Variants in AKT3 observed in about 807,000 individuals in gnomAD.
The protein encoded by AKT3 is RAC-gamma serine/threonine-protein kinase.
In AKT3, 15 loss-of-function variants were observed where a neutral mutation model predicts 65.3. The ratio of observed to expected loss-of-function variants is 0.23; its 90% CI spans 0.15 to 0.35. The LOEUF is 0.35. Among genes scored for constraint, AKT3 ranks in the 10% least tolerant of loss-of-function variants. The pLI is 1.00. For synonymous variants in AKT3, 206 were observed against 183.8 expected, an observed-to-expected ratio of 1.12 and a Z score of -0.98; for missense variants, 243 against 576.5, an observed-to-expected ratio of 0.42 and a Z score of 5.92.
At chr1:243,641,366 T>C (rs1680386078) in intron 5 of AKT3, among the ~76,000 whole-genome samples, 1 of 151,172 alleles carries the variant, frequency 6.6e-6, no homozygotes, top group Non-Finnish European at 1.5e-5. Flanking sequence ...AGAACCCTAA[T>C]ACACATGGCA....
At chr1:243,494,562 TTGAC>T (rs1667335153) in intron 13 of AKT3, among the ~76,000 whole-genome samples, 2 of 152,222 alleles carry the variant, frequency 1.3e-5, no homozygotes, top group South Asian at 4.1e-4. Context: ...TTTTTGTTTT[TTGAC>T]TGAGCGCCCC....
At chr1:243,691,164 C>T (rs2148010199) in intron 3 of AKT3, among the ~76,000 whole-genome samples, 1 of 152,276 alleles carries the variant, frequency 6.6e-6, no homozygotes, top group African/African-American at 2.4e-5. Context: ...GACCAAAGGA[C>T]ATTCCAATCG....
At chr1:243,633,947 A>G (rs1056254443) in intron 6 of AKT3, among the ~76,000 whole-genome samples, 2 of 152,112 alleles carry the variant, frequency 1.3e-5, no homozygotes, top group African/African-American at 2.4e-5. Flanking sequence ...AAAATATAGC[A>G]GTTCCCCTTA....
At position 243,613,835 on chromosome 1, in the gene AKT3, G is replaced by A. The variant is rs1472791164; in HGVS notation, c.628-96C>T. The A allele has an allele frequency of 1.8e-5, 12 of 685,212 alleles. No individual in the cohort carries two copies. In the East Asian group the frequency reaches 2.9e-4, roughly 16 times the overall value. The allele number at this position is 685,212 out of a possible 1,614,324, so 42.4% of individuals were successfully genotyped here. A position where few individuals can be genotyped will look rare whatever the true frequency, so the allele number is the denominator to read the frequency against. Reference sequence around the variant, plus strand: ...TAGAACACATAGAAATAGTAAGCATGAAAGATGAAAAGAATTGTTATTGTT... The same window carrying A: ...TAGAACACATAGAAATAGTAAGCATAAAAGATGAAAAGAATTGTTATTGTT... On this transcript the variant is annotated intron_variant, in intron 7 of 13. Transcript: ENST00000673466.
At chr1:243,663,708 A>G (rs1269417819) in intron 4 of AKT3, among the ~76,000 whole-genome samples, 1 of 152,232 alleles carries the variant, frequency 6.6e-6, no homozygotes, top group African/African-American at 2.4e-5. Flanking sequence ...AATTTTAGAC[A>G]AGACTGTTAA....
At chr1:243,630,128 T>C (rs1271360974) in intron 6 of AKT3, among the ~76,000 whole-genome samples, 1 of 152,200 alleles carries the variant, frequency 6.6e-6, no homozygotes, top group South Asian at 2.1e-4. Flanking sequence ...TACCGTAAGA[T>C]GACTGGAACA....
chr1:243,790,381 T>G (rs1022453111), intron 2 of AKT3, among the ~76,000 whole-genome samples: 2 of 152,224 alleles, frequency 1.3e-5, no homozygotes, highest in Non-Finnish European at 2.9e-5. Context: ...CTTCTTTCCT[T>G]AAACCTCATG....
chr1:243,657,838 A>T (rs1286396084), intron 4 of AKT3, among the ~76,000 whole-genome samples: 1 of 152,146 alleles, frequency 6.6e-6, no homozygotes, highest in Non-Finnish European at 1.5e-5. Flanking sequence ...AAAACCATAT[A>T]TATATACAGT....
intron 9 of AKT3, among the ~76,000 whole-genome samples, chr1:243,567,663 C>T (rs914771892): frequency 2.0e-5 from 3 of 152,022 alleles, no homozygotes; most frequent in Non-Finnish European, 4.4e-5. Flanking sequence ...GTAGTGTCCA[C>T]ATTCTTCTAT....
chr1:243,698,338 T>TA (rs1200316368), intron 2 of AKT3, among the ~76,000 whole-genome samples: 4 of 151,948 alleles, frequency 2.6e-5, no homozygotes, highest in Non-Finnish European at 5.9e-5. Flanking sequence ...ATTTGAAAAA[T>TA]ACAAAAGAAA....
rs774907020 is a variant in AKT3, at chr1:243,843,215, T to A, written c.-45A>T. On this transcript the variant is annotated 5_prime_UTR_variant, in exon 2 of 14. Coordinates refer to ENST00000673466, the MANE Select transcript of AKT3 (RefSeq NM_005465.7). ...CCCAACTTGGAGAAATGGTACTTTG[T>A]GATATCAGCTTTAGGGTTTGGATTC... is the stretch of plus-strand genomic sequence containing the variant. The A allele has an allele frequency of 3.1e-6, 5 of 1,606,066 alleles. No homozygotes were observed. The highest frequency in any genetic ancestry group is 3.4e-6 in the Non-Finnish European group (4 of 1,175,496).
chr1:243,489,264 G>C, intron 13 of AKT3: 1 of 1,317,514 alleles, frequency 7.6e-7, no homozygotes, highest in African/African-American at 1.5e-5. Flanking sequence ...CTGGGAGGGA[G>C]GTCCCGAAGA....
chr1:243,638,950 G>T (rs917830425), intron 5 of AKT3, among the ~76,000 whole-genome samples: 4 of 151,964 alleles, frequency 2.6e-5, no homozygotes, highest in Non-Finnish European at 4.4e-5. Flanking sequence ...CCAAAAGCTA[G>T]TTCTAAAAGA....
At chr1:243,725,954 AG>A (rs1395474653) in intron 2 of AKT3, among the ~76,000 whole-genome samples, 2 of 152,232 alleles carry the variant, frequency 1.3e-5, no homozygotes, top group Non-Finnish European at 2.9e-5. Context: ...GGCACTTCGT[AG>A]AAGACTAGGA....
chr1:243,771,160 TTGAAACTACAACCTCTTCTC>T (rs1025052990), intron 2 of AKT3, among the ~76,000 whole-genome samples: 1 of 152,210 alleles, frequency 6.6e-6, no homozygotes, highest in Non-Finnish European at 1.5e-5. Context: ...TAAGCCTCAG[TTGAAACTACAACCTCTTCTC>T]TGAATCTTTC....
intron 4 of AKT3, among the ~76,000 whole-genome samples, chr1:243,658,263 A>G (rs1371474426): frequency 6.6e-6 from 1 of 152,222 alleles, no homozygotes; most frequent in Non-Finnish European, 1.5e-5. Flanking sequence ...CGAAAACAAA[A>G]AACAGAAACA....
At chr1:243,675,648 T>C (rs1272052515) in intron 3 of AKT3, among the ~76,000 whole-genome samples, 1 of 152,248 alleles carries the variant, frequency 6.6e-6, no homozygotes, top group Non-Finnish European at 1.5e-5. Flanking sequence ...ATTAGCTAAA[T>C]TCTGGTTTCC....
intron 13 of AKT3, among the ~76,000 whole-genome samples, chr1:243,492,034 G>A (rs1004381189): frequency 2.0e-5 from 3 of 152,132 alleles, no homozygotes; most frequent in Admixed American, 1.3e-4. Flanking sequence ...GAGCCCCGCT[G>A]CCCCTGGTGG....
chr1:243,689,743 C>T (rs981407126), intron 3 of AKT3, among the ~76,000 whole-genome samples: 5 of 151,894 alleles, frequency 3.3e-5, no homozygotes, highest in African/African-American at 9.7e-5. Flanking sequence ...ACTTGATGAG[C>T]CCAGTTCAAG....
Sources: gnomAD v4.1 joint callset for allele counts (sites outside exome capture counted in the v4.1 genomes callset) on GRCh38, gnomAD v4.1.1 for gene constraint, MANE v1.5 for transcripts, NCBI Gene and HGNC (gene_info 2026-07-23, HGNC 2026-07-21) for gene names.